Variants in SLC25A12 observed in about 807,000 individuals in gnomAD.
SLC25A12 encodes the protein solute carrier family 25 member 12.
A neutral mutation model predicts 83.3 loss-of-function variants in SLC25A12; 32 were observed. The observed-to-expected ratio is 0.38, with a 90% CI of 0.29 to 0.52. The LOEUF is 0.52. Ranked by LOEUF, SLC25A12 falls within the 20% of genes least tolerant of loss-of-function variation. The pLI is 0.84. For missense variants in SLC25A12, 611 were observed against 835.6 expected (o/e 0.73, Z 3.31); for synonymous variants, 267 against 291.1 (o/e 0.92, Z 0.84).
At chr2:171,823,797 G>A (rs1684241977) in intron 9 of SLC25A12, among the ~76,000 whole-genome samples, 1 of 152,030 alleles carries the variant, frequency 6.6e-6, no homozygotes, top group African/African-American at 2.4e-5. Flanking sequence ...TGTCTCTACT[G>A]AAAACAAATT....
At chr2:171,801,747 T>C (rs1683711032) in intron 13 of SLC25A12, among the ~76,000 whole-genome samples, 1 of 152,182 alleles carries the variant, frequency 6.6e-6, no homozygotes. Flanking sequence ...TGCCCAATTA[T>C]AGGCTAACAT....
chr2:171,803,913 C>G (rs1160845763), intron 13 of SLC25A12, among the ~76,000 whole-genome samples: 1 of 152,114 alleles, frequency 6.6e-6, no homozygotes, highest in Non-Finnish European at 1.5e-5. Flanking sequence ...GATGTAGCCA[C>G]TTTGAAAAAC....
At chr2:171,822,559 A>C (rs1684215836) in intron 9 of SLC25A12, among the ~76,000 whole-genome samples, 1 of 151,940 alleles carries the variant, frequency 6.6e-6, no homozygotes, top group South Asian at 2.1e-4. Context: ...AATTTTTTGT[A>C]TGTTTTTTTA....
intron 13 of SLC25A12, among the ~76,000 whole-genome samples, chr2:171,807,237 A>C (rs1683852270): frequency 6.6e-6 from 1 of 152,188 alleles, no homozygotes; most frequent in South Asian, 2.1e-4. Flanking sequence ...CTAGAGTCCA[A>C]CCTGACTATT....
In SLC25A12 at chr2:171,793,785, G is replaced by A. The variant is rs1683538458; in HGVS notation, c.1306-18C>T. 4 of 1,614,134 alleles carry A rather than the reference G, an allele frequency of 2.5e-6. No individual in the cohort carries two copies. Among genetic ancestry groups the A allele is most frequent in the Non-Finnish European group, 3.4e-6 (4 of 1,179,992 alleles). On this transcript the variant is annotated intron_variant, in intron 13 of 17. Transcript: ENST00000422440. The stretch of plus-strand genomic sequence containing the variant: ...CCTCCAGCCTGTAGGCAAGGGAGAA[G>A]AGACAGGCAGATTCCACATCAGAGC...
chr2:171,882,253 C>T (rs954183071), intron 2 of SLC25A12, among the ~76,000 whole-genome samples: 1 of 152,170 alleles, frequency 6.6e-6, no homozygotes, highest in Non-Finnish European at 1.5e-5. Context: ...ATACACACCT[C>T]CCTCACCCTC....
At chr2:171,894,023 G>A (rs1685997379) in intron 1 of SLC25A12, among the ~76,000 whole-genome samples, 180 bp downstream of exon 1, 1 of 151,904 alleles carries the variant, frequency 6.6e-6, no homozygotes, top group Admixed American at 6.6e-5. Context: ...CCCTCCCCCA[G>A]CCGGGCATCC....
intron 8 of SLC25A12, among the ~76,000 whole-genome samples, chr2:171,827,263 T>C (rs918295710): frequency 6.6e-6 from 1 of 151,742 alleles, no homozygotes; most frequent in African/African-American, 2.4e-5. Context: ...TGATAAATAC[T>C]GGTTGCCTCG....
At chr2:171,790,351 CCTTT>C (rs142537690) in intron 15 of SLC25A12, among the ~76,000 whole-genome samples, 2,560 of 152,336 alleles carry the variant, frequency 0.017, 84 homozygotes, top group African/African-American at 0.059. Context: ...CCCCTTCCTT[CCTTT>C]GTCTTTTCAG....
intron 3 of SLC25A12, among the ~76,000 whole-genome samples, chr2:171,857,066 A>G (rs1305410692): frequency 6.6e-6 from 1 of 152,232 alleles, no homozygotes; most frequent in Non-Finnish European, 1.5e-5. Context: ...TGTTTGAAAC[A>G]TCACTAATAA....
chr2:171,838,379 T>A (rs1408263289), intron 5 of SLC25A12, among the ~76,000 whole-genome samples: 1 of 152,192 alleles, frequency 6.6e-6, no homozygotes, highest in Non-Finnish European at 1.5e-5. Flanking sequence ...GAAGTGGGAA[T>A]TTTCAATCCA....
chr2:171,789,685 G>T (rs900732919), intron 15 of SLC25A12, among the ~76,000 whole-genome samples: 2 of 152,162 alleles, frequency 1.3e-5, no homozygotes, highest in Admixed American at 6.5e-5. Context: ...GCTCAGTGTG[G>T]CTCTGACCAG....
chr2:171,888,076 A>G (rs1048337423), intron 2 of SLC25A12, among the ~76,000 whole-genome samples: 1 of 150,098 alleles, frequency 6.7e-6, no homozygotes, highest in Non-Finnish European at 1.5e-5. Flanking sequence ...GTCAGTTGCC[A>G]CTTTCTTTTC....
At chr2:171,888,094 CTT>C (rs1194293544) in intron 2 of SLC25A12, among the ~76,000 whole-genome samples, 28 of 136,992 alleles carry the variant, frequency 2.0e-4, no homozygotes, top group Non-Finnish European at 2.7e-4. Flanking sequence ...TTCTTTTTTC[CTT>C]TTTTTTTTTT....
At chr2:171,822,590 T>C (rs1684216455) in intron 9 of SLC25A12, among the ~76,000 whole-genome samples, 2 of 152,146 alleles carry the variant, frequency 1.3e-5, no homozygotes, top group Non-Finnish European at 2.9e-5. Context: ...TTCATCATAT[T>C]GCCCAGGCTG....
intron 13 of SLC25A12, among the ~76,000 whole-genome samples, chr2:171,794,505 C>T (rs980122887): frequency 6.6e-6 from 1 of 151,694 alleles, no homozygotes; most frequent in Non-Finnish European, 1.5e-5. Flanking sequence ...ATCAAAGCCA[C>T]ATTCTATATT....
intron 2 of SLC25A12, among the ~76,000 whole-genome samples, chr2:171,878,277 AT>A (rs1222625684): frequency 6.6e-6 from 1 of 152,234 alleles, no homozygotes; most frequent in Non-Finnish European, 1.5e-5. Context: ...AAACATGCAG[AT>A]TCTTGGAGTC....
intron 3 of SLC25A12, among the ~76,000 whole-genome samples, chr2:171,867,889 G>A (rs1314721035): frequency 2.0e-5 from 3 of 152,146 alleles, no homozygotes; most frequent in Admixed American, 6.6e-5. Context: ...CTGTTGCCCA[G>A]GCTAGAGTGC....
intron 8 of SLC25A12, among the ~76,000 whole-genome samples, chr2:171,828,142 G>T (rs1684351274): frequency 6.6e-6 from 1 of 152,204 alleles, no homozygotes; most frequent in Non-Finnish European, 1.5e-5. Flanking sequence ...GTCTTTCAGA[G>T]GCTGTTTCCT....
Sources: allele counts gnomAD v4.1 joint callset (sites outside exome capture counted in the v4.1 genomes callset), GRCh38; gene constraint gnomAD v4.1.1; transcripts MANE v1.5; gene names NCBI Gene and HGNC (gene_info 2026-07-23, HGNC 2026-07-21).